The following HPSE variants were observed in gnomAD, a reference collection of about 807,000 sequenced individuals.
HPSE encodes the protein endo-glucoronidase.
Under a neutral mutation model 65.1 loss-of-function variants are expected in HPSE, and 48 were observed. That is an observed-to-expected ratio of 0.74 (90% CI 0.58 to 0.94). The LOEUF (loss-of-function observed/expected upper bound fraction) is 0.94. Among genes scored for constraint, HPSE ranks in the 40% least tolerant of loss-of-function variants. The pLI is 0.00. For synonymous variants in HPSE, 243 were observed against 260.0 expected, an observed-to-expected ratio of 0.93 and a Z score of 0.63; for missense variants, 644 against 637.5, an observed-to-expected ratio of 1.01 and a Z score of -0.11.
At chr4:83,319,550 T>C in intron 2 of HPSE, 81 bp from the exon 3 acceptor site, 2 of 1,374,382 alleles carry the variant, frequency 1.5e-6, no homozygotes, top group Non-Finnish European at 2.0e-6. Flanking sequence ...TAGTTAGCTA[T>C]TTATGTGACT....
chr4:83,320,221 T>G (rs2126193828), intron 2 of HPSE, among the ~76,000 whole-genome samples: 1 of 152,152 alleles, frequency 6.6e-6, no homozygotes, highest in Middle Eastern at 3.4e-3. Flanking sequence ...TTTTTTCGCT[T>G]TGAATTTGGT....
chr4:83,295,532 A>G, intron 11 of HPSE, 29 bp from the exon 12 acceptor site: 1 of 1,528,320 alleles, frequency 6.5e-7, no homozygotes, highest in Non-Finnish European at 8.9e-7. Context: ...CACCGAGTTA[A>G]CCAAGTGGTG....
chr4:83,319,587 T>C, intron 2 of HPSE, 118 bp from the exon 3 acceptor site: 3 of 1,046,122 alleles, frequency 2.9e-6, no homozygotes, highest in East Asian at 2.5e-5. Context: ...GTTCTGGTTA[T>C]GAGGTAGGAG....
chr4:83,330,206 G>A (rs1737311634), intron 1 of HPSE, among the ~76,000 whole-genome samples: 1 of 152,206 alleles, frequency 6.6e-6, no homozygotes, highest in African/African-American at 2.4e-5. Context: ...AAAAGAACTG[G>A]ACTATGGGAG....
At chr4:83,316,504 G>A (rs563785221) in intron 3 of HPSE, among the ~76,000 whole-genome samples, 1 of 152,278 alleles carries the variant, frequency 6.6e-6, no homozygotes, top group African/African-American at 2.4e-5. Context: ...AGATAACCAA[G>A]ATGACACATT....
At chr4:83,335,008 C>T (rs1737563382), upstream of HPSE, 1 of 619,450 alleles carries the variant, frequency 1.6e-6, no homozygotes, top group Non-Finnish European at 2.6e-6. Flanking sequence ...CTCCTACTTC[C>T]TTGCTCGCTT....
At chr4:83,306,470 C>G (rs1391518871) in intron 8 of HPSE, among the ~76,000 whole-genome samples, 153 bp from the exon 9 acceptor site, 1 of 152,120 alleles carries the variant, frequency 6.6e-6, no homozygotes, top group Non-Finnish European at 1.5e-5. Flanking sequence ...GGCTGGAGTG[C>G]AGTGGCGTGA....
rs1293889918 is a variant in HPSE at position 83,322,291 on chromosome 4, A to C, written c.301T>G (p.Phe101Val). The change falls in exon 2 of 12, where the codon TTC (phenylalanine) becomes GTC (valine). Residue 101 changes from phenylalanine (F) to valine (V), a missense_variant. Transcript: ENST00000311412. ...TCCTTCTTGGGATCGAAAATTAGGAAGTCTGTCTTGGTGCCACCAAACCTC... is the reference window on the plus strand; with the variant it reads ...TCCTTCTTGGGATCGAAAATTAGGACGTCTGTCTTGGTGCCACCAAACCTC... Reference protein sequence around the residue: ...YLRFGGTKTDFLIFDPKKEST... With the variant: ...YLRFGGTKTDVLIFDPKKEST... The C allele has an allele frequency of 1.9e-6, 3 of 1,613,968 alleles. No individual in the cohort carries two copies. Among genetic ancestry groups the C allele is most frequent in the Non-Finnish European group, 2.5e-6 (3 of 1,179,904 alleles).
At chr4:83,302,484 A>C (rs1237623206) in intron 9 of HPSE, among the ~76,000 whole-genome samples, 2 of 151,266 alleles carry the variant, frequency 1.3e-5, no homozygotes, top group African/African-American at 4.9e-5. Context: ...TTATCACTGG[A>C]GGACACAATT....
chr4:83,310,471 C>A (rs1356668724), intron 5 of HPSE, among the ~76,000 whole-genome samples: 2 of 151,716 alleles, frequency 1.3e-5, no homozygotes, highest in East Asian at 1.9e-4. Context: ...ATTCAAGAGA[C>A]CAGCCTGGGC....
chr4:83,323,057 A>G (rs1736987330), intron 1 of HPSE, among the ~76,000 whole-genome samples: 1 of 152,118 alleles, frequency 6.6e-6, no homozygotes, highest in Admixed American at 6.6e-5. Context: ...GAAAGAAATG[A>G]TAGAATAGAA....
In HPSE at chr4:83,301,021, AAAAAGGATAGGGTAACCGC is replaced by A. The variant is rs1463464482; in HGVS notation, c.1392_1410del (p.Leu464PhefsTer11). 1 of 1,608,004 alleles carries A rather than the reference AAAAAGGATAGGGTAACCGC, an allele frequency of 6.2e-7. No individual in the cohort carries two copies. The highest frequency in any genetic ancestry group is 1.3e-5 in the African/African-American group (1 of 74,626). ...AGGTATTTATCCACTTGCTTGTTAGAAAAAGGATAGGGTAACCGCAAGTACTTGGTGACATTATGGAGGT... is the reference window on the plus strand; with the variant it reads ...AGGTATTTATCCACTTGCTTGTTAGAAAGTACTTGGTGACATTATGGAGGT... On this transcript the variant is annotated frameshift_variant, in exon 11 of 12. Coordinates refer to ENST00000311412, the MANE Select transcript of HPSE (RefSeq NM_001098540.3). LOFTEE classifies it high-confidence loss of function.
In HPSE at chr4:83,308,833, T is replaced by C. The variant is rs1736250011; in HGVS notation, c.1091+12A>G. 1 of 1,595,548 alleles carries C rather than the reference T, an allele frequency of 6.3e-7. No homozygotes were observed. The highest frequency in any genetic ancestry group is 1.3e-5 in the African/African-American group (1 of 74,588). The stretch of plus-strand genomic sequence containing the variant: ...GCACTCTGACCCCTAAGGCCAGCGC[T>C]GCTTCACTCACATAAAGCCAGCTGC... On this transcript the variant is annotated intron_variant, in intron 8 of 11. Coordinates refer to ENST00000311412, the MANE Select transcript of HPSE (RefSeq NM_001098540.3).
In HPSE at chr4:83,334,825, C is replaced by T; in HGVS notation, c.-43G>A. 6.8e-7 allele frequency: 1 copy of T among 1,476,820 alleles called. No homozygotes were observed. Among genetic ancestry groups the T allele is most frequent in the South Asian group, 1.4e-5 (1 of 73,090 alleles). The allele number at this position is 1,476,820 out of a possible 1,614,324, so 91.5% of individuals were successfully genotyped here. A position where few individuals can be genotyped will look rare whatever the true frequency, so the allele number is the denominator to read the frequency against. ...GCTCCCCCCGCCAGCTGCCGCGCAG[C>T]GGAGAGTCGAGAGCTCTAGCACTTC... is the stretch of plus-strand genomic sequence containing the variant. On this transcript the variant is annotated 5_prime_UTR_variant, in exon 1 of 12. Coordinates refer to ENST00000311412, the MANE Select transcript of HPSE (RefSeq NM_001098540.3).
chr4:83,310,762 C>T lies in HPSE; in HGVS notation c.802G>A (p.Val268Ile), dbSNP rs780338532. Residue 268 changes from valine (V) to isoleucine (I), a missense_variant, in exon 5 of 12, where the codon GTT becomes ATT. Coordinates refer to ENST00000311412, the MANE Select transcript of HPSE (RefSeq NM_001098540.3). ...GCCGTCTTTCTTCGAGGCTGACCAA[C>T]ATCAGGACCATAGAGTTTTGCATTT... ...FKNAKLYGPD[V>I]GQPRRKTAKM... is the part of the protein sequence containing the mutation. 33 of 1,614,006 alleles carry T rather than the reference C, an allele frequency of 2.0e-5. No homozygotes were observed. The highest frequency in any genetic ancestry group is 3.3e-4 in the Middle Eastern group (2 of 6,084).
intron 3 of HPSE, among the ~76,000 whole-genome samples, chr4:83,313,555 A>G (rs1736507484): frequency 6.6e-6 from 1 of 152,212 alleles, no homozygotes; most frequent in Non-Finnish European, 1.5e-5. Flanking sequence ...AAGTGACATC[A>G]GGAGAATTGG....
At chr4:83,325,963 C>T (rs1737136168) in intron 1 of HPSE, among the ~76,000 whole-genome samples, 1 of 151,972 alleles carries the variant, frequency 6.6e-6, no homozygotes, top group Non-Finnish European at 1.5e-5. Flanking sequence ...TGGGAGAGAA[C>T]AGAATGGAGA....
At position 83,325,993 on chromosome 4, in the gene HPSE, C is replaced by T. The variant is rs573916814; in HGVS notation, c.228-3629G>A. 5.3e-5 allele frequency among the ~76,000 whole-genome samples: 8 copies of T among 152,114 alleles called. No individual in the cohort carries two copies. In the East Asian group the frequency reaches 9.7e-4, roughly 18 times the overall value. ...TGGAGAAGCAAATAGGGCCACATCA[C>T]GGAGGGCCCCGTAAGCCACATGTCC... On this transcript the variant is annotated intron_variant, in intron 1 of 11. Coordinates refer to ENST00000311412, the MANE Select transcript of HPSE (RefSeq NM_001098540.3).
At chr4:83,302,397 AGG>A in intron 9 of HPSE, 129 bp from the exon 10 acceptor site, 1 of 608,826 alleles carries the variant, frequency 1.6e-6, no homozygotes, top group Non-Finnish European at 2.9e-6. Context: ...GCATTTAAAT[AGG>A]ATTCATCTTT....
Sources: gnomAD v4.1 joint callset for allele counts (sites outside exome capture counted in the v4.1 genomes callset) on GRCh38, gnomAD v4.1.1 for gene constraint, MANE v1.5 for transcripts, NCBI Gene and HGNC (gene_info 2026-07-23, HGNC 2026-07-21) for gene names.